The following CTNNA2 variants were observed in gnomAD, a reference collection of about 807,000 sequenced individuals.
CTNNA2 encodes catenin alpha-2.
A neutral mutation model predicts 101.0 loss-of-function variants in CTNNA2; 42 were observed. The observed-to-expected ratio is 0.42, with a 90% CI of 0.32 to 0.54. The LOEUF is 0.54. Among genes scored for constraint, CTNNA2 ranks in the 20% least tolerant of loss-of-function variants. The pLI, the probability that CTNNA2 is intolerant of heterozygous loss-of-function variation, is 0.14. For missense variants in CTNNA2, 871 were observed against 1,223.1 expected, an observed-to-expected ratio of 0.71 and a Z score of 4.29; for synonymous variants, 450 against 456.4, an observed-to-expected ratio of 0.99 and a Z score of 0.18.
intron 7 of CTNNA2, among the ~76,000 whole-genome samples, chr2:80,091,378 A>G (rs1699780309): frequency 1.3e-5 from 2 of 152,102 alleles, no homozygotes; most frequent in African/African-American, 4.8e-5. Context: ...TAGTTTTCCA[A>G]GGTCTGCAGG....
chr2:79,549,225 T>C (rs996985227), intron 1 of CTNNA2, among the ~76,000 whole-genome samples: 1 of 152,210 alleles, frequency 6.6e-6, no homozygotes, highest in Non-Finnish European at 1.5e-5. Flanking sequence ...AGACTGTTTT[T>C]TCAACAAATA....
chr2:79,301,555 G>A (rs750781974), intron 2 of CTNNA2, among the ~76,000 whole-genome samples: 10 of 152,212 alleles, frequency 6.6e-5, no homozygotes, highest in South Asian at 2.1e-4. Context: ...TCCTACGTTC[G>A]CTGCTAATGT....
At chr2:79,523,863 A>G (rs1418329986) in intron 1 of CTNNA2, among the ~76,000 whole-genome samples, 3 of 152,060 alleles carry the variant, frequency 2.0e-5, no homozygotes. Context: ...CTTTCTGTCT[A>G]ATGGCCTAAT....
At chr2:80,117,104 G>A (rs1245218615) in intron 7 of CTNNA2, among the ~76,000 whole-genome samples, 3 of 152,032 alleles carry the variant, frequency 2.0e-5, no homozygotes, top group South Asian at 4.2e-4. Context: ...GTCAGTTGTC[G>A]AGATACTCAC....
intron 2 of CTNNA2, among the ~76,000 whole-genome samples, chr2:79,653,111 T>A (rs533439480): frequency 2.8e-4 from 43 of 152,256 alleles, no homozygotes; most frequent in African/African-American, 9.6e-4. Flanking sequence ...AAAAAGGAGT[T>A]GCCAGTCTCA....
chr2:79,466,199 T>C (rs909225796), intron 4 of CTNNA2, among the ~76,000 whole-genome samples: 1 of 152,190 alleles, frequency 6.6e-6, no homozygotes, highest in Non-Finnish European at 1.5e-5. Flanking sequence ...ATACTGCGCT[T>C]TTCCAATGGT....
At chr2:80,214,506 A>G (rs1404323217) in intron 7 of CTNNA2, among the ~76,000 whole-genome samples, 1 of 152,156 alleles carries the variant, frequency 6.6e-6, no homozygotes, top group African/African-American at 2.4e-5. Context: ...TTCTGGGTTG[A>G]AAATTCTTTT....
At chr2:79,768,537 T>G (rs1673333289) in intron 3 of CTNNA2, among the ~76,000 whole-genome samples, 1 of 151,740 alleles carries the variant, frequency 6.6e-6, no homozygotes, top group African/African-American at 2.4e-5. Context: ...AGCTTTCTTG[T>G]CTTGAGACAA....
At chr2:79,458,702 C>T (rs777086975) in intron 4 of CTNNA2, among the ~76,000 whole-genome samples, 6 of 152,146 alleles carry the variant, frequency 3.9e-5, no homozygotes, top group Non-Finnish European at 7.4e-5. Flanking sequence ...ACAGTGAAAA[C>T]TTCCTAGGGA....
chr2:79,603,720 T>A (rs1295580812), intron 1 of CTNNA2, among the ~76,000 whole-genome samples: 1 of 152,136 alleles, frequency 6.6e-6, no homozygotes, highest in African/African-American at 2.4e-5. Context: ...TGCCTGAAAT[T>A]GTTGGTGGCA....
At chr2:80,335,987 T>C (rs982273502) in intron 7 of CTNNA2, among the ~76,000 whole-genome samples, 2 of 152,180 alleles carry the variant, frequency 1.3e-5, no homozygotes, top group South Asian at 4.1e-4. Flanking sequence ...TCCCCTTCTA[T>C]ACCTGCATTT....
chr2:80,155,982 A>G (rs1291392420), intron 7 of CTNNA2, among the ~76,000 whole-genome samples: 1 of 152,180 alleles, frequency 6.6e-6, no homozygotes, highest in Non-Finnish European at 1.5e-5. Flanking sequence ...ATTAGCATGC[A>G]TATGAATCAC....
At chr2:79,472,724 T>C (rs534357757) in intron 4 of CTNNA2, among the ~76,000 whole-genome samples, 1 of 152,268 alleles carries the variant, frequency 6.6e-6, no homozygotes, top group African/African-American at 2.4e-5. Flanking sequence ...CTTTCTCACT[T>C]TTTGCGATAC....
chr2:79,387,506 C>T (rs1011936951), intron 4 of CTNNA2, among the ~76,000 whole-genome samples: 2 of 152,154 alleles, frequency 1.3e-5, no homozygotes, highest in African/African-American at 4.8e-5. Context: ...GTAAAGCTGA[C>T]ATTTGGAAAA....
intron 6 of CTNNA2, among the ~76,000 whole-genome samples, chr2:79,894,031 TC>T (rs1465065308): frequency 2.7e-4 from 40 of 145,758 alleles, no homozygotes; most frequent in African/African-American, 9.8e-4. Context: ...TTCTTCTTCT[TC>T]TTCTTCTTCT....
chr2:79,763,491 G>T (rs903425554), intron 3 of CTNNA2, among the ~76,000 whole-genome samples: 1 of 152,058 alleles, frequency 6.6e-6, no homozygotes, highest in African/African-American at 2.4e-5. Context: ...GGTATTGTCT[G>T]TTTATGTCCT....
chr2:80,559,891 T>TATATATATATATATATATATATACAC (rs1553387588), intron 12 of CTNNA2, among the ~76,000 whole-genome samples: 5 of 146,818 alleles, frequency 3.4e-5, no homozygotes, highest in Admixed American at 1.3e-4. Flanking sequence ...TATATATATA[T>TATATATATATATATATATATATACAC]ACACACACAT....
chr2:79,753,827 T>C (rs1672207447), intron 3 of CTNNA2, among the ~76,000 whole-genome samples: 1 of 151,954 alleles, frequency 6.6e-6, no homozygotes, highest in Non-Finnish European at 1.5e-5. Flanking sequence ...AGTGATATGG[T>C]GATATCAACA....
At chr2:80,296,918 A>T (rs1338993052) in intron 7 of CTNNA2, among the ~76,000 whole-genome samples, 2 of 152,208 alleles carry the variant, frequency 1.3e-5, no homozygotes, top group African/African-American at 2.4e-5. Context: ...AGTACCATAG[A>T]CACATGATCC....
Sources: gnomAD v4.1 joint callset for allele counts (sites outside exome capture counted in the v4.1 genomes callset) on GRCh38, gnomAD v4.1.1 for gene constraint, MANE v1.5 for transcripts, NCBI Gene and HGNC (gene_info 2026-07-23, HGNC 2026-07-21) for gene names.